The following EXTL3 variants were observed in gnomAD, a reference collection of about 807,000 sequenced individuals.
EXTL3 encodes exostosin like glycosyltransferase 3.
EXTL3 carries 27 observed loss-of-function variants against 69.3 expected under a neutral mutation model. The ratio of observed to expected loss-of-function variants is 0.39; its 90% CI spans 0.29 to 0.54. EXTL3 has a LOEUF of 0.54. Among genes scored for constraint, EXTL3 ranks in the 20% least tolerant of loss-of-function variants. EXTL3 has a pLI of 0.69. For synonymous variants in EXTL3, 511 were observed against 499.4 expected, an observed-to-expected ratio of 1.02 and a Z score of -0.31; for missense variants, 1,003 against 1,231.8, an observed-to-expected ratio of 0.81 and a Z score of 2.78.
chr8:28,621,811 C>A (rs950063549), upstream of EXTL3, among the ~76,000 whole-genome samples: 2 of 152,174 alleles, frequency 1.3e-5, no homozygotes, highest in African/African-American at 4.8e-5. Context: ...TGTGGACACG[C>A]AGATTTGCCA....
chr8:28,619,188 A>G (rs1806370393), upstream of EXTL3, among the ~76,000 whole-genome samples: 2 of 142,394 alleles, frequency 1.4e-5, no homozygotes, highest in South Asian at 4.6e-4. Context: ...ACAGGAGACC[A>G]TATGTCCTTC....
At chr8:28,642,068 C>T (rs887615789) in intron 1 of EXTL3, among the ~76,000 whole-genome samples, 1 of 151,708 alleles carries the variant, frequency 6.6e-6, no homozygotes, top group African/African-American at 2.4e-5. Flanking sequence ...ATCTCCTGAC[C>T]TCGTGATCCG....
At chr8:28,728,456 G>A (rs1299075465) in intron 3 of EXTL3, among the ~76,000 whole-genome samples, 1 of 152,188 alleles carries the variant, frequency 6.6e-6, no homozygotes, top group Admixed American at 6.5e-5. Context: ...GGTCAGACAT[G>A]CTGCAGGGCA....
intron 1 of EXTL3, among the ~76,000 whole-genome samples, chr8:28,681,974 G>A (rs1269699463): frequency 2.0e-5 from 3 of 152,076 alleles, no homozygotes; most frequent in Non-Finnish European, 2.9e-5. Context: ...CAGGAGAATC[G>A]CTTGAACCCG....
rs1485624668 is a variant in EXTL3, at chr8:28,685,869, T to A, written c.-52-27588T>A. 13 of 151,820 alleles carry A rather than the reference T, an allele frequency of 8.6e-5. No homozygotes were observed. In the East Asian group the frequency reaches 2.3e-3, roughly 27 times the overall value. 9.4% of individuals were successfully genotyped at this position (151,820 alleles called of 1,614,324 possible). ...TTATATTTTTATTTATTTTTTATTTTTATTTTTTTTCTTGAGACAGAGTCT... is the reference window on the plus strand; with the variant it reads ...TTATATTTTTATTTATTTTTTATTTATATTTTTTTTCTTGAGACAGAGTCT... On this transcript the variant is annotated intron_variant, in intron 1 of 6. Transcript: ENST00000523149.
chr8:28,720,616 C>T (rs1032588942), intron 3 of EXTL3, among the ~76,000 whole-genome samples: 64 of 152,178 alleles, frequency 4.2e-4, no homozygotes, highest in African/African-American at 1.5e-3. Context: ...CACCCTTGAA[C>T]ACTCCTGATT....
chr8:28,607,999 A>G (rs981736199), intron 2 of EXTL3, among the ~76,000 whole-genome samples: 2 of 151,588 alleles, frequency 1.3e-5, no homozygotes, highest in African/African-American at 4.9e-5. Context: ...AGTCCCAGCT[A>G]CTCGGGAGGC....
chr8:28,747,006 T>TA (rs3216298), intron 6 of EXTL3, among the ~76,000 whole-genome samples: 112,502 of 152,040 alleles, frequency 0.74, 42,539 homozygotes, highest in African/African-American at 0.9. Flanking sequence ...ATTACATGAT[T>TA]AAAACATTTG....
intron 2 of EXTL3, among the ~76,000 whole-genome samples, chr8:28,612,773 C>G (rs1313463517): frequency 6.6e-6 from 1 of 151,998 alleles, no homozygotes; most frequent in East Asian, 1.9e-4. Flanking sequence ...GGCTGGAGTG[C>G]AGTGGCACAA....
At chr8:28,609,478 A>C (rs1163715602) in intron 2 of EXTL3, among the ~76,000 whole-genome samples, 2 of 152,100 alleles carry the variant, frequency 1.3e-5, no homozygotes, top group East Asian at 3.9e-4. Flanking sequence ...GTTTTGATTT[A>C]AGTAACTGAG....
intron 2 of EXTL3, among the ~76,000 whole-genome samples, chr8:28,714,598 G>A (rs1801101732): frequency 6.6e-6 from 1 of 152,140 alleles, no homozygotes; most frequent in Non-Finnish European, 1.5e-5. Context: ...TTAAGAGTAT[G>A]GTGAATATTT....
chr8:28,722,958 C>T (rs1801330434), intron 3 of EXTL3, among the ~76,000 whole-genome samples: 1 of 151,952 alleles, frequency 6.6e-6, no homozygotes, highest in African/African-American at 2.4e-5. Flanking sequence ...AAAGGGAAGA[C>T]TGGAAGAGAA....
chr8:28,680,385 C>CAAAA (rs34805922), intron 1 of EXTL3, among the ~76,000 whole-genome samples: 6 of 110,880 alleles, frequency 5.4e-5, no homozygotes, highest in Non-Finnish European at 9.4e-5. Context: ...GACTCTGTCT[C>CAAAA]AAAAAAAAAA....
Position 28,750,241 on chromosome 8 carries a change from C to G in EXTL3, c.2551-416C>G, listed in dbSNP as rs914183636. ...ACAGTATTCAAGAATGATAGCCCCT[C>G]TTTGACTAGCCCCTCTTTGGGTAGT... On this transcript the variant is annotated intron_variant, in intron 6 of 6. Transcript: ENST00000220562. This position sits in a 1 kb window ranked among gnomAD's most constrained non-coding sequence, Gnocchi z 5.2. Among the ~76,000 whole-genome samples, 3 of 152,106 alleles carry G rather than the reference C, an allele frequency of 2.0e-5. No homozygotes were observed. The highest frequency in any genetic ancestry group is 4.4e-5 in the Non-Finnish European group (3 of 67,968).
At chr8:28,663,644 G>A (rs1807150438) in intron 1 of EXTL3, among the ~76,000 whole-genome samples, 1 of 152,006 alleles carries the variant, frequency 6.6e-6, no homozygotes, top group Admixed American at 6.6e-5. Context: ...TAGAGACGAG[G>A]TTTCACCATG....
At chr8:28,653,470 C>T (rs1250152782) in intron 1 of EXTL3, among the ~76,000 whole-genome samples, 2 of 152,116 alleles carry the variant, frequency 1.3e-5, no homozygotes, top group Non-Finnish European at 2.9e-5. Context: ...TGCAGATTTG[C>T]CCCATGTTTT....
At chr8:28,720,840 T>C (rs1801279071) in intron 3 of EXTL3, among the ~76,000 whole-genome samples, 3 of 152,354 alleles carry the variant, frequency 2.0e-5, no homozygotes, top group Middle Eastern at 6.8e-3. Flanking sequence ...CCTTAGCTCC[T>C]GGAGCATAAC....
intron 1 of EXTL3, among the ~76,000 whole-genome samples, chr8:28,634,389 C>T (rs1806619664): frequency 6.6e-6 from 1 of 152,088 alleles, no homozygotes; most frequent in African/African-American, 2.4e-5. Flanking sequence ...TCAGGCCGTG[C>T]AGCTCGCAGC....
chr8:28,609,335 C>T (rs890851975), intron 2 of EXTL3, among the ~76,000 whole-genome samples: 1 of 151,740 alleles, frequency 6.6e-6, no homozygotes, highest in Non-Finnish European at 1.5e-5. Flanking sequence ...TTTAAGGTCA[C>T]TGGCATGAGG....
Sources: gnomAD v4.1 joint callset for allele counts (sites outside exome capture counted in the v4.1 genomes callset) on GRCh38, gnomAD v4.1.1 for gene constraint, Gnocchi (gnomAD v3.1) non-coding constraint, MANE v1.5 for transcripts, NCBI Gene and HGNC (gene_info 2026-07-23, HGNC 2026-07-21) for gene names.